The following ABCA5 variants were observed in gnomAD, a reference collection of about 807,000 sequenced individuals.
ABCA5 encodes the protein cholesterol transporter ABCA5.
A neutral mutation model predicts 206.0 loss-of-function variants in ABCA5; 163 were observed. The ratio of observed to expected loss-of-function variants is 0.79; its 90% CI spans 0.70 to 0.90. The LOEUF (loss-of-function observed/expected upper bound fraction) is 0.90. ABCA5 is among the 40% of genes least tolerant of loss of function. ABCA5 has a pLI of 0.00. For missense variants in ABCA5, 1,859 were observed against 1,912.9 expected, an observed-to-expected ratio of 0.97 and a Z score of 0.53; for synonymous variants, 609 against 613.8, an observed-to-expected ratio of 0.99 and a Z score of 0.11.
At chr17:69,282,641 C>T (rs1421406974) in intron 18 of ABCA5, among the ~76,000 whole-genome samples, 1 of 122,348 alleles carries the variant, frequency 8.2e-6, no homozygotes, top group Non-Finnish European at 1.9e-5. Context: ...TGGTGGTGGG[C>T]GCCTGTAATC....
At chr17:69,323,113 T>C (rs1037885237) in intron 1 of ABCA5, among the ~76,000 whole-genome samples, 2 of 152,168 alleles carry the variant, frequency 1.3e-5, no homozygotes, top group Non-Finnish European at 2.9e-5. Context: ...GGAGACTGGG[T>C]CATGAAGCTT....
chr17:69,308,372 T>G lies in ABCA5; in HGVS notation c.470-4A>C, dbSNP rs1567780909. ...TCACATGATTTTGAACAGCCAGCTA[T>G]GGGGGGAAGAATATGAGATCTAAGA... On this transcript the variant is annotated splice_polypyrimidine_tract_variant and splice_region_variant and intron_variant, in intron 4 of 38. Transcript: ENST00000392676. 6.2e-7 allele frequency: 1 copy of G among 1,604,502 alleles called. No individual in the cohort carries two copies. Among genetic ancestry groups the G allele is most frequent in the Admixed American group, 1.7e-5 (1 of 59,830 alleles).
chr17:69,309,831 C>A (rs892519391), intron 3 of ABCA5, among the ~76,000 whole-genome samples: 5 of 151,992 alleles, frequency 3.3e-5, no homozygotes, highest in Admixed American at 2.6e-4. Flanking sequence ...CAGAGTGAGA[C>A]CATGTCTCAA....
chr17:69,272,084 A>C (rs1435762688), intron 20 of ABCA5, among the ~76,000 whole-genome samples: 1 of 152,216 alleles, frequency 6.6e-6, no homozygotes, highest in Non-Finnish European at 1.5e-5. Context: ...AAACATTACT[A>C]GTAACTGAAT....
chr17:69,258,265 C>T (rs555839221), intron 28 of ABCA5, among the ~76,000 whole-genome samples: 39 of 151,988 alleles, frequency 2.6e-4, no homozygotes, highest in African/African-American at 8.7e-4. Flanking sequence ...GTCATAGAAC[C>T]AACCTAAGAG....
chr17:69,270,465 T>C, intron 22 of ABCA5, 148 bp downstream of exon 22: 5 of 671,594 alleles, frequency 7.4e-6, no homozygotes, highest in South Asian at 4.4e-5. Flanking sequence ...TAAACCTTAA[T>C]GTAAACCGTT....
In ABCA5 at chr17:69,302,741, T is replaced by C. The variant is rs768057145; in HGVS notation, c.1096A>G (p.Thr366Ala). ...ACCTGTGCAATACCAATCACAAAAG[T>C]ACAGTGACAGAAAGGACTGAAAAGC... ...VWLFSPFCHC[T>A]FVIGIAQVMH... The change falls in exon 8 of 39, where the codon ACT becomes GCT. Residue 366 changes from threonine to alanine, a missense_variant. Physicochemically the swap from Thr to Ala is moderately conservative, Grantham distance 58 (BLOSUM62 0). Transcript: ENST00000392676. The C allele has an allele frequency of 3.2e-6, 5 of 1,579,152 alleles. No individual in the cohort carries two copies. In the African/African-American group the frequency reaches 6.9e-5, roughly 22 times the overall value.
chr17:69,285,854 T>G, intron 17 of ABCA5, 44 bp downstream of exon 17: 1 of 1,564,274 alleles, frequency 6.4e-7, no homozygotes, highest in Non-Finnish European at 8.7e-7. Context: ...ATTCCCAATA[T>G]AGGATCCCAG....
intron 17 of ABCA5, among the ~76,000 whole-genome samples, chr17:69,285,236 G>A (rs1054627156): frequency 2.0e-5 from 3 of 152,128 alleles, no homozygotes; most frequent in African/African-American, 7.2e-5. Flanking sequence ...ATAGGAGATA[G>A]GTGGGTATAA....
chr17:69,247,524 G>T lies in ABCA5; in HGVS notation c.*13C>A. ...AGAAAGAAGTCCCAGTAAGCAGACC[G>T]AACAATACAAATTCAAAATACTACT... is the stretch of plus-strand genomic sequence containing the variant. On this transcript the variant is annotated 3_prime_UTR_variant, in exon 39 of 39. Coordinates refer to ENST00000392676, the MANE Select transcript of ABCA5 (RefSeq NM_172232.4). The T allele has an allele frequency of 1.9e-6, 3 of 1,546,614 alleles. No individual in the cohort carries two copies. Among genetic ancestry groups the T allele is most frequent in the South Asian group, 2.4e-5 (2 of 83,616 alleles).
intron 1 of ABCA5, among the ~76,000 whole-genome samples, chr17:69,316,536 A>G (rs539936742): frequency 6.6e-6 from 1 of 151,670 alleles, no homozygotes; most frequent in Non-Finnish European, 1.5e-5. Flanking sequence ...AATAACAAAA[A>G]GTCTAACTTT....
chr17:69,254,725 C>T (rs923330211), intron 31 of ABCA5, among the ~76,000 whole-genome samples: 8 of 152,136 alleles, frequency 5.3e-5, no homozygotes, highest in African/African-American at 1.7e-4. Context: ...TGTCTCACTA[C>T]GTTGCCCAGG....
chr17:69,246,586 C>G lies in ABCA5; in HGVS notation c.*951G>C, dbSNP rs1309761169. On this transcript the variant is annotated 3_prime_UTR_variant, in exon 39 of 39. Transcript: ENST00000392676. ...CAATGAGGTAAGTTACTAAATAAATCTACACACTGATCTACTTACAATTTT... is the reference window on the plus strand; with the variant it reads ...CAATGAGGTAAGTTACTAAATAAATGTACACACTGATCTACTTACAATTTT... 1.3e-5 allele frequency: 2 copies of G among 152,024 alleles called. No homozygotes were observed. Among genetic ancestry groups the G allele is most frequent in the East Asian group, 3.9e-4 (2 of 5,186 alleles). The allele number at this position is 152,024 out of a possible 1,614,324, so 9.4% of individuals were successfully genotyped here. A position where few individuals can be genotyped will look rare whatever the true frequency, so the allele number is the denominator to read the frequency against.
intron 38 of ABCA5, among the ~76,000 whole-genome samples, chr17:69,247,845 GT>G (rs1476148937): frequency 2.0e-5 from 3 of 151,946 alleles, no homozygotes; most frequent in African/African-American, 7.2e-5. Flanking sequence ...TAATAGATAT[GT>G]TTTTTAAAAA....
chr17:69,252,836 C>CAAAAA (rs34161698), intron 34 of ABCA5, among the ~76,000 whole-genome samples: 1 of 97,006 alleles, frequency 1.0e-5, no homozygotes. Context: ...GACTCTGACT[C>CAAAAA]AAAAAAAAAA....
intron 3 of ABCA5, among the ~76,000 whole-genome samples, chr17:69,311,422 T>G (rs1197428125): frequency 6.6e-6 from 1 of 152,154 alleles, no homozygotes; most frequent in African/African-American, 2.4e-5. Flanking sequence ...TTTGTGTATA[T>G]GTATACACTA....
chr17:69,287,617 A>T lies in ABCA5; in HGVS notation c.2037T>A (p.Leu679=). Residue 679 remains leucine, a synonymous_variant, in exon 15 of 39, where the codon CTT becomes CTA. Coordinates refer to ENST00000392676, the MANE Select transcript of ABCA5 (RefSeq NM_172232.4). ...AAAATAAAACAAAAATCTCACCTGCAAGAATGTCAGCTTCATCCATGAAAT... is the reference window on the plus strand; with the variant it reads ...AAAATAAAACAAAAATCTCACCTGCTAGAATGTCAGCTTCATCCATGAAAT... ...STHFMDEADI[L]ADRKAVISQG... The T allele has an allele frequency of 1.2e-6, 2 of 1,609,118 alleles. No individual in the cohort carries two copies. The highest frequency in any genetic ancestry group is 2.2e-5 in the South Asian group (2 of 89,986).
Position 69,271,196 on chromosome 17 carries a change from T to G in ABCA5, c.2858A>C (p.His953Pro). Residue 953 changes from histidine to proline, a missense_variant, in exon 21 of 39, where the codon CAT (histidine) becomes CCT (proline). Coordinates refer to ENST00000392676, the MANE Select transcript of ABCA5 (RefSeq NM_172232.4). ...ATGCATCACATTTAAAGCCGCACTA[T>G]GGGGAGCCACGGATACATAGTCACT... ...NDSDYVSVAP[H>P]SAALNVMHSE... 6.2e-7 allele frequency: 1 copy of G among 1,613,510 alleles called. No individual in the cohort carries two copies. The highest frequency in any genetic ancestry group is 1.1e-5 in the South Asian group (1 of 90,948).
chr17:69,277,916 T>G (rs2075351713), intron 18 of ABCA5, 74 bp from the exon 19 acceptor site: 1 of 1,154,720 alleles, frequency 8.7e-7, no homozygotes, highest in Non-Finnish European at 1.2e-6. Flanking sequence ...GCAGGAACAT[T>G]TAAAGAAGCA....
Sources: gnomAD v4.1 joint callset for allele counts (sites outside exome capture counted in the v4.1 genomes callset) on GRCh38, gnomAD v4.1.1 for gene constraint, MANE v1.5 for transcripts, NCBI Gene and HGNC (gene_info 2026-07-23, HGNC 2026-07-21) for gene names.